TECRL: variants seen among roughly 807,000 people sequenced by gnomAD.
TECRL encodes the protein trans-2,3-enoyl-CoA reductase-like.
TECRL carries 63 observed loss-of-function variants against 52.8 expected under a neutral mutation model. The observed-to-expected ratio is 1.19, with a 90% CI of 0.97 to 1.47. The LOEUF is 1.47. Ranked by LOEUF, TECRL falls within the 40% of genes most tolerant of loss-of-function variation. The pLI is 0.00. For synonymous variants in TECRL, 164 were observed against 141.9 expected (o/e 1.16, Z -1.10); for missense variants, 482 against 429.6 (o/e 1.12, Z -1.08).
At chr4:64,340,224 G>T (rs1719456824) in intron 2 of TECRL, among the ~76,000 whole-genome samples, 1 of 152,126 alleles carries the variant, frequency 6.6e-6, no homozygotes, top group Non-Finnish European at 1.5e-5. Flanking sequence ...GAGTTCCCTG[G>T]GTTCTACTGC....
chr4:64,317,521 A>T (rs1717590854), intron 4 of TECRL, among the ~76,000 whole-genome samples: 1 of 152,218 alleles, frequency 6.6e-6, no homozygotes, highest in African/African-American at 2.4e-5. Flanking sequence ...AAAACAAAAT[A>T]AAGTAGTTTT....
chr4:64,356,399 G>C (rs201304763), intron 2 of TECRL, among the ~76,000 whole-genome samples: 1 of 152,052 alleles, frequency 6.6e-6, no homozygotes, highest in Non-Finnish European at 1.5e-5. Flanking sequence ...TGAATGTCTC[G>C]GTATAAAACC....
intron 2 of TECRL, among the ~76,000 whole-genome samples, chr4:64,348,911 T>C (rs913743625): frequency 6.6e-6 from 1 of 152,154 alleles, no homozygotes; most frequent in Non-Finnish European, 1.5e-5. Flanking sequence ...CTCCTCTTTG[T>C]TCCAGTTACC....
chr4:64,300,004 C>A lies in TECRL; in HGVS notation c.744G>T (p.Arg248Ser). Residue 248 changes from arginine to serine, a missense_variant, in exon 8 of 12, where the codon AGG becomes AGT. Transcript: ENST00000381210. ...AATTGATAGCAGATACTGTGATTTGCCTGTTTCCAAATGCTGGAGAGTAGA... is the reference window on the plus strand; with the variant it reads ...AATTGATAGCAGATACTGTGATTTGACTGTTTCCAAATGCTGGAGAGTAGA... ...PLYTPPSFGN[R>S]QITVSAINFL... The A allele has an allele frequency of 6.3e-7, 1 of 1,578,586 alleles. No homozygotes were observed.
chr4:64,299,080 C>G (rs1330051013), intron 8 of TECRL: 1 of 151,006 alleles, frequency 6.6e-6, no homozygotes, highest in Non-Finnish European at 1.5e-5. Context: ...TGAGTTCTTG[C>G]TAGGCCAAAC....
chr4:64,324,194 A>G (rs1012594783), intron 3 of TECRL, among the ~76,000 whole-genome samples: 6 of 152,156 alleles, frequency 3.9e-5, no homozygotes, highest in African/African-American at 1.4e-4. Flanking sequence ...TGGAATGTGT[A>G]TATGGGAAGA....
At chr4:64,284,796 T>C (rs1723001364) in intron 9 of TECRL, among the ~76,000 whole-genome samples, 1 of 152,088 alleles carries the variant, frequency 6.6e-6, no homozygotes, top group South Asian at 2.1e-4. Flanking sequence ...AAATTATAGA[T>C]GAATAGTTAA....
chr4:64,369,767 C>A (rs1468319495), intron 2 of TECRL, among the ~76,000 whole-genome samples: 1 of 151,830 alleles, frequency 6.6e-6, no homozygotes, highest in African/African-American at 2.4e-5. Context: ...TATTTTAAAA[C>A]TGTGCTACAA....
chr4:64,360,985 C>G (rs1272652604), intron 2 of TECRL, among the ~76,000 whole-genome samples: 2 of 152,142 alleles, frequency 1.3e-5, no homozygotes, highest in African/African-American at 4.8e-5. Flanking sequence ...ACATACTCCA[C>G]TAGGTGGCTT....
chr4:64,351,835 T>C (rs1173828736), intron 2 of TECRL, among the ~76,000 whole-genome samples: 1 of 152,200 alleles, frequency 6.6e-6, no homozygotes, highest in Non-Finnish European at 1.5e-5. Flanking sequence ...ATTTGTGAAC[T>C]ACACTTTATA....
At chr4:64,347,296 C>T (rs530136970) in intron 2 of TECRL, among the ~76,000 whole-genome samples, 4 of 152,164 alleles carry the variant, frequency 2.6e-5, no homozygotes, top group Admixed American at 6.5e-5. Context: ...TCCTCAAATA[C>T]CACACAGCCC....
intron 1 of TECRL, among the ~76,000 whole-genome samples, chr4:64,407,957 A>T (rs971820643): frequency 6.6e-6 from 1 of 151,706 alleles, no homozygotes; most frequent in Non-Finnish European, 1.5e-5. Context: ...CTCATCGCTT[A>T]TATATGGCCT....
At chr4:64,377,822 T>C (rs914650461) in intron 1 of TECRL, among the ~76,000 whole-genome samples, 5 of 152,228 alleles carry the variant, frequency 3.3e-5, no homozygotes, top group African/African-American at 1.2e-4. Context: ...CCTTTTTTTG[T>C]AATATTGCTT....
At position 64,278,491 on chromosome 4, in the gene TECRL, A is replaced by T. The variant is rs1722658924; in HGVS notation, c.*1581T>A. 8.0e-6 allele frequency: 2 copies of T among 249,286 alleles called. No homozygotes were observed. Among genetic ancestry groups the T allele is most frequent in the Non-Finnish European group, 6.4e-6 (1 of 157,202 alleles). The allele number at this position is 249,286 out of a possible 1,614,324, so 15.4% of individuals were successfully genotyped here. The stretch of plus-strand genomic sequence containing the variant: ...TAAATTAAATTTTATTTTTTGAGCG[A>T]CATAAGAATTGAACATATTTGGGAG... On this transcript the variant is annotated 3_prime_UTR_variant, in exon 12 of 12. Coordinates refer to ENST00000381210, the MANE Select transcript of TECRL (RefSeq NM_001010874.5).
At position 64,325,253 on chromosome 4, in the gene TECRL, C is replaced by T. The variant is rs145192731; in HGVS notation, c.332-2461G>A. Among the ~76,000 whole-genome samples, 16 of 152,336 alleles carry T rather than the reference C, an allele frequency of 1.1e-4. No individual in the cohort carries two copies. In the East Asian group the frequency reaches 2.9e-3, roughly 28 times the overall value. ...AACAAACATAAAATGCAAAAGGGTG[C>T]TCTCACCATTATTCCATCTGCGATG... On this transcript the variant is annotated intron_variant, in intron 3 of 11. Transcript: ENST00000381210.
At chr4:64,276,384 A>G (rs1722575515), downstream of TECRL, 1 of 151,900 alleles carries the variant, frequency 6.6e-6, no homozygotes. Flanking sequence ...TATTAAAGAC[A>G]GCATATTACT....
At chr4:64,284,546 A>G (rs1560469373) in intron 9 of TECRL, among the ~76,000 whole-genome samples, 2 of 152,062 alleles carry the variant, frequency 1.3e-5, no homozygotes, top group South Asian at 4.1e-4. Context: ...AAGTGAAATC[A>G]TCTTAGAACT....
chr4:64,333,917 G>C (rs981795439), intron 2 of TECRL, among the ~76,000 whole-genome samples: 6 of 140,756 alleles, frequency 4.3e-5, no homozygotes, highest in Non-Finnish European at 7.7e-5. Context: ...CCAGCTACTC[G>C]GGAGGCTGAG....
chr4:64,344,181 A>G (rs1719785341), intron 2 of TECRL, among the ~76,000 whole-genome samples: 1 of 151,926 alleles, frequency 6.6e-6, no homozygotes, highest in African/African-American at 2.4e-5. Flanking sequence ...TCACACATAT[A>G]CATATATTAT....
Sources: gnomAD v4.1 joint callset for allele counts (sites outside exome capture counted in the v4.1 genomes callset) on GRCh38, gnomAD v4.1.1 for gene constraint, MANE v1.5 for transcripts, NCBI Gene and HGNC (gene_info 2026-07-23, HGNC 2026-07-21) for gene names.